Variants in NPAS4 observed in about 807,000 individuals in gnomAD.
NPAS4 encodes the protein neuronal PAS domain-containing protein 4.
NPAS4 carries 10 observed loss-of-function variants against 64.0 expected under a neutral mutation model. The ratio of observed to expected loss-of-function variants is 0.16; its 90% CI spans 0.10 to 0.26. The LOEUF (loss-of-function observed/expected upper bound fraction) is 0.26. Among genes scored for constraint, NPAS4 ranks in the 10% least tolerant of loss-of-function variants. NPAS4 has a pLI of 1.00. For missense variants in NPAS4, 886 were observed against 992.6 expected, an observed-to-expected ratio of 0.89 and a Z score of 1.44; for synonymous variants, 441 against 411.7, an observed-to-expected ratio of 1.07 and a Z score of -0.86.
chr11:66,423,551 C>T, intron 5 of NPAS4, 27 bp from the exon 6 acceptor site: 1 of 1,613,224 alleles, frequency 6.2e-7, no homozygotes, highest in Admixed American at 1.7e-5. Context: ...GGTGGACATC[C>T]TAACTCTGCA....
At chr11:66,414,867 CAGT>C in the NPAS4 span, among the ~76,000 whole-genome samples, 1 of 152,134 alleles carries the variant, frequency 6.6e-6, no homozygotes. Flanking sequence ...AGAAAAAAAA[CAGT>C]AGAAGTCAGG....
At position 66,426,116 on chromosome 11, in the gene NPAS4, C is replaced by T. The variant is rs1167267758; in HGVS notation, c.*127C>T. 5.7e-6 allele frequency: 3 copies of T among 529,246 alleles called. No individual in the cohort carries two copies. The highest frequency in any genetic ancestry group is 8.0e-5 in the East Asian group (2 of 24,854). 32.8% of individuals were successfully genotyped at this position (529,246 alleles called of 1,614,324 possible). On this transcript the variant is annotated 3_prime_UTR_variant, in exon 8 of 8. Transcript: ENST00000311034. The stretch of plus-strand genomic sequence containing the variant: ...AGGGGGATATATATGATTCCCCAGG[C>T]CCTGCAGGATTTTGGGGGGGGGGAG...
In NPAS4 at chr11:66,424,047, C is replaced by T. The variant is rs774982370; in HGVS notation, c.1157C>T (p.Ala386Val). 3 of 1,614,126 alleles carry T rather than the reference C, an allele frequency of 1.9e-6. No homozygotes were observed. Among genetic ancestry groups the T allele is most frequent in the East Asian group, 2.2e-5 (1 of 44,886 alleles). The change falls in exon 7 of 8, where the codon GCA becomes GTA. Residue 386 changes from alanine to valine, a missense_variant. Ala to Val is a moderately conservative substitution (Grantham distance 64). This residue lies in a region of NPAS4 where 820 missense variants were observed against 855.5 expected (regional missense o/e 0.96). Transcript: ENST00000311034. ...GCTCCTGAACTGAGTGTTGTCTCTG[C>T]ATCAGAAGAGCTTCCCCGACCCTCC... The part of the protein sequence containing the change: ...PSAPELSVVS[A>V]SEELPRPSKE...
the NPAS4 span, chr11:66,411,089 C>G: frequency 6.6e-6 from 1 of 152,342 alleles, no homozygotes; most frequent in African/African-American, 2.4e-5. Flanking sequence ...TCCACACAGG[C>G]CAGGTCTCCA....
chr11:66,420,651 T>C (rs2134639720), upstream of NPAS4, among the ~76,000 whole-genome samples: 1 of 152,364 alleles, frequency 6.6e-6, no homozygotes, highest in Admixed American at 6.5e-5. Flanking sequence ...GGCCCCTCTC[T>C]GCCCTCTGCG....
chr11:66,423,460 G>C, intron 5 of NPAS4, 118 bp from the exon 6 acceptor site: 5 of 1,231,836 alleles, frequency 4.1e-6, no homozygotes, highest in Non-Finnish European at 5.8e-6. Context: ...GTTCAGGTGA[G>C]GGTAGTCAGA....
At position 66,425,105 on chromosome 11, in the gene NPAS4, G is replaced by C; in HGVS notation, c.2215G>C (p.Ala739Pro). Residue 739 changes from alanine to proline, a missense_variant, in exon 7 of 8, where the codon GCC becomes CCC. By Grantham distance (27) the Ala-to-Pro change is conservative (BLOSUM62 -1). Around this residue, in one of 3 missense-constraint regions of NPAS4, gnomAD observed 820 missense variants for 855.5 expected, o/e 0.96. Transcript: ENST00000311034. The part of the protein sequence containing the change: ...GDPEAEGPGG[A>P]PSPCNNLSPE... ...TCCTGAGGCAGAGGGCCCAGGAGGG[G>C]CCCCATCGCCTTGCAACAACCTGTC... 6.2e-7 allele frequency: 1 copy of C among 1,604,500 alleles called. No individual in the cohort carries two copies. Among genetic ancestry groups the C allele is most frequent in the Non-Finnish European group, 8.5e-7 (1 of 1,176,490 alleles).
In NPAS4 at chr11:66,422,117, C is replaced by T. The variant is rs1355692844; in HGVS notation, c.176-3C>T. On this transcript the variant is annotated splice_polypyrimidine_tract_variant and splice_region_variant and intron_variant, in intron 1 of 7. Transcript: ENST00000311034. The stretch of plus-strand genomic sequence containing the variant: ...TGACGCACTACGTCTTCTCGCCCTA[C>T]AGGCACTCCTCTGGCGGGCCCCACG... 6.2e-7 allele frequency: 1 copy of T among 1,613,558 alleles called. No homozygotes were observed. Among genetic ancestry groups the T allele is most frequent in the South Asian group, 1.1e-5 (1 of 91,076 alleles).
Position 66,423,135 on chromosome 11 carries a change from C to G in NPAS4, c.711C>G (p.Tyr237Ter), listed in dbSNP as rs769044984. 1 of 1,607,652 alleles carries G rather than the reference C, an allele frequency of 6.2e-7. No homozygotes were observed. ...TCCACCTTCCCAGTGTCCTAATCTA[C>G]CTGGGCTTTGAGCGCAGTGAACTGC... ...LLDISESVLI[Y>*]LGFERSELLC... Residue 237 changes from tyrosine to a stop codon, truncating the protein, a stop_gained, in exon 5 of 8, where the codon TAC (tyrosine) becomes TAG (stop). Coordinates refer to ENST00000311034, the MANE Select transcript of NPAS4 (RefSeq NM_178864.4). LOFTEE classifies it high-confidence loss of function.
In NPAS4 at chr11:66,426,113, A is replaced by G; in HGVS notation, c.*124A>G. The G allele has an allele frequency of 4.9e-6, 2 of 407,880 alleles. No individual in the cohort carries two copies. The highest frequency in any genetic ancestry group is 5.0e-6 in the Non-Finnish European group (1 of 200,092). 25.3% of individuals were successfully genotyped at this position (407,880 alleles called of 1,614,324 possible). A position where few individuals can be genotyped will look rare whatever the true frequency, so the allele number is the denominator to read the frequency against. On this transcript the variant is annotated 3_prime_UTR_variant, in exon 8 of 8. Transcript: ENST00000311034. Reference sequence around the variant, plus strand: ...CAGAGGGGGATATATATGATTCCCCAGGCCCTGCAGGATTTTGGGGGGGGG... The same window carrying G: ...CAGAGGGGGATATATATGATTCCCCGGGCCCTGCAGGATTTTGGGGGGGGG...
chr11:66,414,085 C>T, the NPAS4 span, among the ~76,000 whole-genome samples: 1 of 152,190 alleles, frequency 6.6e-6, no homozygotes, highest in African/African-American at 2.4e-5. Flanking sequence ...GCCAAGTAAA[C>T]ACACAGGGAC....
chr11:66,424,374 G>C lies in NPAS4; in HGVS notation c.1484G>C (p.Arg495Thr), dbSNP rs1565241732. ...LQGQLTETSV[R>T]SYEDQLTPCT... ...GGCCAGTTGACTGAAACCTCGGTCA[G>C]AAGCTATGAAGACCAGTTGACTCCC... is the stretch of plus-strand genomic sequence containing the variant. Residue 495 changes from arginine to threonine, a missense_variant, in exon 7 of 8, where the codon AGA becomes ACA. Around this residue, in one of 3 missense-constraint regions of NPAS4, gnomAD observed 820 missense variants for 855.5 expected, o/e 0.96. Transcript: ENST00000311034. The C allele has an allele frequency of 8.1e-6, 13 of 1,613,992 alleles. No homozygotes were observed. Among genetic ancestry groups the C allele is most frequent in the Non-Finnish European group, 1.1e-5 (13 of 1,179,998 alleles).
At chr11:66,420,907 C>T, upstream of NPAS4, 1 of 418,084 alleles carries the variant, frequency 2.4e-6, no homozygotes, top group Non-Finnish European at 4.3e-6. Context: ...GAGGAGCCCC[C>T]CTCCCCAGTC....
In NPAS4 at chr11:66,426,150, G is replaced by C; in HGVS notation, c.*161G>C. On this transcript the variant is annotated 3_prime_UTR_variant, in exon 8 of 8. Transcript: ENST00000311034. Reference sequence around the variant, plus strand: ...ATTTTGGGGGGGGGGAGGTGGGAGGGCAAGGGAGGGGAGCTTCTTTTTAAA... The same window carrying C: ...ATTTTGGGGGGGGGGAGGTGGGAGGCCAAGGGAGGGGAGCTTCTTTTTAAA... 7.9e-5 allele frequency: 34 copies of C among 429,442 alleles called. No individual in the cohort carries two copies. Among genetic ancestry groups the C allele is most frequent in the Middle Eastern group, 7.2e-4 (1 of 1,382 alleles). 26.6% of individuals were successfully genotyped at this position (429,442 alleles called of 1,614,324 possible). A position where few individuals can be genotyped will look rare whatever the true frequency, so the allele number is the denominator to read the frequency against.
In NPAS4 at chr11:66,426,109, C is replaced by T; in HGVS notation, c.*120C>T. 1 of 649,388 alleles carries T rather than the reference C, an allele frequency of 1.5e-6. No individual in the cohort carries two copies. 40.2% of individuals were successfully genotyped at this position (649,388 alleles called of 1,614,324 possible). A position where few individuals can be genotyped will look rare whatever the true frequency, so the allele number is the denominator to read the frequency against. On this transcript the variant is annotated 3_prime_UTR_variant, in exon 8 of 8. Transcript: ENST00000311034. ...GGGCCAGAGGGGGATATATATGATT[C>T]CCCAGGCCCTGCAGGATTTTGGGGG...
At chr11:66,413,326 G>A in the NPAS4 span, among the ~76,000 whole-genome samples, 1 of 152,274 alleles carries the variant, frequency 6.6e-6, no homozygotes, top group African/African-American at 2.4e-5. Context: ...TGGCGGCCGG[G>A]AGGGTGGCAG....
chr11:66,410,427 AAC>A, the NPAS4 span: 6 of 152,264 alleles, frequency 3.9e-5, no homozygotes, highest in Non-Finnish European at 2.9e-5. Flanking sequence ...ATGGTGCTTT[AAC>A]AGAGCGTCTG....
At chr11:66,411,545 A>T in the NPAS4 span, among the ~76,000 whole-genome samples, 1 of 152,012 alleles carries the variant, frequency 6.6e-6, no homozygotes, top group Non-Finnish European at 1.5e-5. Flanking sequence ...GGCTCTCCCA[A>T]CTCACAGCCT....
the NPAS4 span, among the ~76,000 whole-genome samples, chr11:66,415,125 G>A: frequency 1.3e-5 from 2 of 152,142 alleles, no homozygotes; most frequent in Admixed American, 6.5e-5. Flanking sequence ...GACTAGGGTC[G>A]GAATAGGGAT....
Sources: allele counts gnomAD v4.1 joint callset (sites outside exome capture counted in the v4.1 genomes callset), GRCh38; gene constraint gnomAD v4.1.1; regional missense constraint gnomAD v4.1.1; transcripts MANE v1.5; gene names NCBI Gene and HGNC (gene_info 2026-07-23, HGNC 2026-07-21).